Variants in GRIK5 observed in about 807,000 individuals in gnomAD.
GRIK5 encodes the protein glutamate ionotropic receptor kainate type subunit 5, also known as glutamate receptor ionotropic, kainate 5.
Under a neutral mutation model 97.4 loss-of-function variants are expected in GRIK5, and 43 were observed. That is an observed-to-expected ratio of 0.44 (90% CI 0.35 to 0.57). The LOEUF is 0.57. Ranked by LOEUF, GRIK5 falls within the 20% of genes least tolerant of loss-of-function variation. GRIK5 has a pLI of 0.01. For missense variants in GRIK5, 1,015 were observed against 1,382.0 expected, an observed-to-expected ratio of 0.73 and a Z score of 4.21; for synonymous variants, 580 against 583.5, an observed-to-expected ratio of 0.99 and a Z score of 0.09.
At position 42,065,794 on chromosome 19, in the gene GRIK5, G is replaced by T; in HGVS notation, c.-24C>A. 6.5e-7 allele frequency: 1 copy of T among 1,546,512 alleles called. No homozygotes were observed. Among genetic ancestry groups the T allele is most frequent in the Non-Finnish European group, 8.7e-7 (1 of 1,146,364 alleles). ...ATCTTCCTCCCCTCCTCATGGGGACGCAGCTGCCGCGGCCCCCACTCGCCA... is the reference window on the plus strand; with the variant it reads ...ATCTTCCTCCCCTCCTCATGGGGACTCAGCTGCCGCGGCCCCCACTCGCCA... On this transcript the variant is annotated 5_prime_UTR_variant, in exon 2 of 20. Coordinates refer to ENST00000593562, the MANE Select transcript of GRIK5 (RefSeq NM_002088.5). The surrounding 1 kb of genome is among the most constrained non-coding windows in gnomAD (Gnocchi z 5.8).
rs1555870109 is a variant in GRIK5, at chr19:41,998,893, CG to C, written c.2920del (p.Arg974GlyfsTer?). ...TGGTCACTCGTGCTCCGCCAGCTCCCGGGGGCCGGCGGGGCCAGGCCGCGGC... is the reference window on the plus strand; with the variant it reads ...TGGTCACTCGTGCTCCGCCAGCTCCCGGGGCCGGCGGGGCCAGGCCGCGGC... ...PRPRPGPAGPRELAEHE is the reference protein window; with the variant it reads ...PRPRPGPAGPXELAEHE On this transcript the variant is annotated frameshift_variant, in exon 20 of 20. Coordinates refer to ENST00000593562, the MANE Select transcript of GRIK5 (RefSeq NM_002088.5). LOFTEE classifies it high-confidence loss of function. 9.0e-6 allele frequency: 10 copies of C among 1,109,670 alleles called. No individual in the cohort carries two copies. The highest frequency in any genetic ancestry group is 4.0e-4 in the Middle Eastern group (1 of 2,528). The allele number at this position is 1,109,670 out of a possible 1,614,324, so 68.7% of individuals were successfully genotyped here. A position where few individuals can be genotyped will look rare whatever the true frequency, so the allele number is the denominator to read the frequency against.
rs532532029 is a variant in GRIK5 at position 42,022,930 on chromosome 19, A to C, written c.1474-576T>G. On this transcript the variant is annotated intron_variant, in intron 12 of 19. Coordinates refer to ENST00000593562, the MANE Select transcript of GRIK5 (RefSeq NM_002088.5). This position sits in a 1 kb window ranked among gnomAD's most constrained non-coding sequence, Gnocchi z 4.2. ...GGTCAGGAGACGACACTGGTACCAA[A>C]GCACAACCCTGGATGAAGGAGGGAT... is the stretch of plus-strand genomic sequence containing the variant. Among the ~76,000 whole-genome samples, 2 of 152,204 alleles carry C rather than the reference A, an allele frequency of 1.3e-5. No homozygotes were observed. The highest frequency in any genetic ancestry group is 4.1e-4 in the South Asian group (2 of 4,826).
chr19:42,048,094 A>C (rs2076066191), intron 11 of GRIK5, among the ~76,000 whole-genome samples: 1 of 152,158 alleles, frequency 6.6e-6, no homozygotes, highest in African/African-American at 2.4e-5. Flanking sequence ...TTAAGTTTTT[A>C]GAACACAAAT....
chr19:42,009,588 C>T (rs1555873545), intron 15 of GRIK5, among the ~76,000 whole-genome samples: 1 of 150,946 alleles, frequency 6.6e-6, no homozygotes. Context: ...ACTAACATGG[C>T]GAAAACCCTT....
rs2075994740 is a variant in GRIK5, at chr19:42,042,766, A to G, written c.1270-11T>C. On this transcript the variant is annotated splice_polypyrimidine_tract_variant and intron_variant, in intron 11 of 19. Transcript: ENST00000593562. This position sits in a 1 kb window ranked among gnomAD's most constrained non-coding sequence, Gnocchi z 6.9. ...GACGTATGGGTTCTCCTGGGTGGGC[A>G]GAAGAAAGCAGGGGTCAGAGGCTGG... 1.2e-6 allele frequency: 2 copies of G among 1,607,492 alleles called. No individual in the cohort carries two copies. The highest frequency in any genetic ancestry group is 1.7e-6 in the Non-Finnish European group (2 of 1,175,750).
At chr19:42,020,740 T>TC (rs1225430927) in intron 15 of GRIK5, among the ~76,000 whole-genome samples, 44 of 152,176 alleles carry the variant, frequency 2.9e-4, no homozygotes, top group Non-Finnish European at 5.4e-4. Flanking sequence ...ACAAATGCCA[T>TC]GGCAACGTCA....
chr19:42,041,494 C>T (rs2075977083), intron 12 of GRIK5, among the ~76,000 whole-genome samples: 1 of 152,172 alleles, frequency 6.6e-6, no homozygotes, highest in Non-Finnish European at 1.5e-5. Flanking sequence ...TCACTATAGA[C>T]CTGCAAGGTA....
intron 15 of GRIK5, among the ~76,000 whole-genome samples, chr19:42,011,038 T>C (rs1259132403): frequency 6.6e-6 from 1 of 151,362 alleles, no homozygotes; most frequent in African/African-American, 2.4e-5. Flanking sequence ...GACGCCTGGG[T>C]TCAAGGAATC....
At chr19:42,026,523 G>A (rs763178447) in intron 12 of GRIK5, among the ~76,000 whole-genome samples, 7 of 151,734 alleles carry the variant, frequency 4.6e-5, no homozygotes, top group Non-Finnish European at 8.8e-5. Flanking sequence ...CAAAGTGCTG[G>A]GATTACAGGC....
intron 1 of GRIK5, chr19:42,068,576 CAG>C (rs2076374507): frequency 2.5e-6 from 1 of 406,006 alleles, no homozygotes; most frequent in Admixed American, 4.4e-5. Flanking sequence ...AGCTCAGAGG[CAG>C]AGAGAGGGAG....
intron 11 of GRIK5, among the ~76,000 whole-genome samples, chr19:42,044,258 T>G (rs1056192955): frequency 6.6e-6 from 1 of 152,194 alleles, no homozygotes; most frequent in African/African-American, 2.4e-5. Context: ...CTTTCCTTCA[T>G]AAATTACCGA....
chr19:42,042,554 G>C lies in GRIK5; in HGVS notation c.1471C>G (p.Arg491Gly). The C allele has an allele frequency of 6.2e-7, 1 of 1,609,044 alleles. No homozygotes were observed. The highest frequency in any genetic ancestry group is 2.2e-5 in the East Asian group (1 of 44,842). Residue 491 changes from arginine to glycine, a missense_variant and splice_region_variant, in exon 12 of 20, where the codon CGG becomes GGG. Around this residue, in one of 5 missense-constraint regions of GRIK5, gnomAD observed 477 missense variants for 701.1 expected, o/e 0.68. Coordinates refer to ENST00000593562, the MANE Select transcript of GRIK5 (RefSeq NM_002088.5). This position sits in a 1 kb window ranked among gnomAD's most constrained non-coding sequence, Gnocchi z 6.9. Reference sequence around the variant, plus strand: ...TCCCGGCCCCAGTCCAGCCATACCCGGTTGATGAGCTCGCCAACCATGCCC... The same window carrying C: ...TCCCGGCCCCAGTCCAGCCATACCCCGTTGATGAGCTCGCCAACCATGCCC... ...WTGMVGELINRKADLAVAAFT... is the reference protein window; with the variant it reads ...WTGMVGELINGKADLAVAAFT...
At chr19:42,000,264 T>G (rs922767777) in intron 19 of GRIK5, among the ~76,000 whole-genome samples, 1 of 151,908 alleles carries the variant, frequency 6.6e-6, no homozygotes, top group Admixed American at 6.6e-5. Flanking sequence ...TGAGAACAGA[T>G]TGTAGGGAGG....
chr19:42,016,248 C>T (rs940571668), intron 15 of GRIK5, among the ~76,000 whole-genome samples: 43 of 152,188 alleles, frequency 2.8e-4, no homozygotes, highest in Non-Finnish European at 1.9e-4. Flanking sequence ...GATGAAACCC[C>T]GTCTCTACTA....
intron 11 of GRIK5, among the ~76,000 whole-genome samples, chr19:42,050,093 C>G (rs2076093175): frequency 6.6e-6 from 1 of 151,816 alleles, no homozygotes; most frequent in Non-Finnish European, 1.5e-5. Context: ...CCACGCCCAG[C>G]TAATTTTTGT....
intron 12 of GRIK5, among the ~76,000 whole-genome samples, chr19:42,024,480 T>G (rs577238320): frequency 1.3e-5 from 2 of 152,286 alleles, no homozygotes; most frequent in South Asian, 2.1e-4. Flanking sequence ...CCCAAAGTGT[T>G]GGGATTACAG....
chr19:42,032,091 C>G (rs2075846781), intron 12 of GRIK5, among the ~76,000 whole-genome samples: 1 of 151,944 alleles, frequency 6.6e-6, no homozygotes, highest in African/African-American at 2.4e-5. Context: ...CCAACCTAGG[C>G]AACTAAGTGA....
chr19:42,023,451 G>A (rs1185387393), intron 12 of GRIK5, among the ~76,000 whole-genome samples: 2 of 152,124 alleles, frequency 1.3e-5, no homozygotes, highest in African/African-American at 4.8e-5. Context: ...AGCTAATATA[G>A]GACTCCAATT....
At chr19:42,060,925 T>C (rs1481593639) in intron 5 of GRIK5, among the ~76,000 whole-genome samples, 1 of 152,228 alleles carries the variant, frequency 6.6e-6, no homozygotes, top group Non-Finnish European at 1.5e-5. Flanking sequence ...TGCACTTATT[T>C]GTGGTGTTTT....
Sources: gnomAD v4.1 joint callset for allele counts (sites outside exome capture counted in the v4.1 genomes callset) on GRCh38, gnomAD v4.1.1 for gene constraint, gnomAD v4.1.1 regional missense constraint, Gnocchi (gnomAD v3.1) non-coding constraint, MANE v1.5 for transcripts, NCBI Gene and HGNC (gene_info 2026-07-23, HGNC 2026-07-21) for gene names.